The following HMGA2 variants were observed in gnomAD, a reference collection of about 807,000 sequenced individuals.
The protein encoded by HMGA2 is high mobility group protein HMGI-C.
Under a neutral mutation model 19.1 loss-of-function variants are expected in HMGA2, and 8 were observed. The ratio of observed to expected loss-of-function variants is 0.42; its 90% CI spans 0.25 to 0.76. The LOEUF (loss-of-function observed/expected upper bound fraction) is 0.76. HMGA2 is among the 30% of genes least tolerant of loss of function. HMGA2 has a pLI of 0.28. For synonymous variants in HMGA2, 60 were observed against 48.8 expected (o/e 1.23, Z -0.96); for missense variants, 109 against 136.3 (o/e 0.80, Z 1.00).
chr12:65,955,648 C>T (rs1310572351), intron 4 of HMGA2: 1 of 152,224 alleles, frequency 6.6e-6, no homozygotes, highest in African/African-American at 2.4e-5. Flanking sequence ...GCAATTAGGA[C>T]AGGTATAAAC....
chr12:65,833,623 A>G (rs777078376), intron 2 of HMGA2, among the ~76,000 whole-genome samples: 26 of 152,168 alleles, frequency 1.7e-4, no homozygotes, highest in Non-Finnish European at 3.2e-4. Context: ...GAAATACATT[A>G]CTTTTAACTA....
chr12:65,912,748 G>T (rs1367131533), intron 3 of HMGA2, among the ~76,000 whole-genome samples: 1 of 152,158 alleles, frequency 6.6e-6, no homozygotes, highest in Admixed American at 6.5e-5. Context: ...TCATGCCATA[G>T]CTCCATCAGC....
chr12:65,891,921 G>A (rs1873928361), intron 3 of HMGA2, among the ~76,000 whole-genome samples: 1 of 152,204 alleles, frequency 6.6e-6, no homozygotes, highest in African/African-American at 2.4e-5. Context: ...CTTTTTCTGT[G>A]TGTTTCATCC....
rs1870023316 is a variant in HMGA2, at chr12:65,824,712, C to CT, written c.-557dup. 1.7e-5 allele frequency: 3 copies of CT among 179,198 alleles called. No homozygotes were observed. Among genetic ancestry groups the CT allele is most frequent in the Non-Finnish European group, 3.2e-5 (3 of 93,908 alleles). 11.1% of individuals were successfully genotyped at this position (179,198 alleles called of 1,614,324 possible). On this transcript the variant is annotated 5_prime_UTR_variant, in exon 1 of 5. Coordinates refer to ENST00000403681, the MANE Select transcript of HMGA2 (RefSeq NM_003483.6). ...CCCAAGGCACTTTCAATCTCAATCT[C>CT]TTCTCTCTCTCTCTCTCTCTCTCTC...
At chr12:65,882,705 A>G (rs907871163) in intron 3 of HMGA2, among the ~76,000 whole-genome samples, 2 of 152,280 alleles carry the variant, frequency 1.3e-5, no homozygotes, top group African/African-American at 4.8e-5. Flanking sequence ...ATGAGAAAGC[A>G]TAAACAAAGC....
intron 3 of HMGA2, among the ~76,000 whole-genome samples, chr12:65,840,490 C>T (rs867741086): frequency 6.6e-6 from 1 of 152,140 alleles, no homozygotes; most frequent in African/African-American, 2.4e-5. Flanking sequence ...ACATGGCCTC[C>T]CCAGGATAAT....
chr12:65,913,602 G>A (rs754443092), intron 3 of HMGA2, among the ~76,000 whole-genome samples: 16 of 152,148 alleles, frequency 1.1e-4, no homozygotes, highest in Non-Finnish European at 1.6e-4. Context: ...CTCATAAGGT[G>A]TATTATTCAG....
chr12:65,882,270 TGAGA>T (rs1873453742), intron 3 of HMGA2: 1 of 252,314 alleles, frequency 4.0e-6, no homozygotes, highest in African/African-American at 2.2e-5. Flanking sequence ...AGCCAGGAAC[TGAGA>T]GAAAGAGGAA....
chr12:65,829,298 G>T (rs1870371969), intron 2 of HMGA2, among the ~76,000 whole-genome samples: 1 of 151,946 alleles, frequency 6.6e-6, no homozygotes, highest in Non-Finnish European at 1.5e-5. Context: ...AAATTTAATT[G>T]CTTCTTAGAG....
intron 3 of HMGA2, among the ~76,000 whole-genome samples, chr12:65,888,451 TC>T (rs563214146): frequency 7.3e-6 from 1 of 137,772 alleles, no homozygotes; most frequent in Non-Finnish European, 1.5e-5. Context: ...TGAGACTCAG[TC>T]CCCCCCAAAA....
intron 2 of HMGA2, among the ~76,000 whole-genome samples, chr12:65,831,820 A>T (rs965943207): frequency 2.6e-5 from 4 of 151,970 alleles, no homozygotes; most frequent in African/African-American, 9.7e-5. Flanking sequence ...ATCATTCAGC[A>T]TAAATGCTGA....
At chr12:65,928,630 C>G (rs1413411721) in intron 3 of HMGA2, among the ~76,000 whole-genome samples, 5 of 152,080 alleles carry the variant, frequency 3.3e-5, no homozygotes, top group African/African-American at 1.2e-4. Context: ...AAATATTTTT[C>G]TTTATATCTT....
At chr12:65,951,603 C>T in intron 4 of HMGA2, 188 bp downstream of exon 4, 1 of 521,832 alleles carries the variant, frequency 1.9e-6, no homozygotes, top group Non-Finnish European at 3.4e-6. Flanking sequence ...CCATGAAAAC[C>T]TCCCAAAATG....
intron 3 of HMGA2, chr12:65,851,696 A>G (rs1218309332): frequency 1.6e-5 from 7 of 424,320 alleles, no homozygotes; most frequent in African/African-American, 1.0e-4. Context: ...TTAGTTTTAA[A>G]CCCTGTGAAA....
At chr12:65,841,961 A>C (rs118081509) in intron 3 of HMGA2, among the ~76,000 whole-genome samples, 59 of 151,006 alleles carry the variant, frequency 3.9e-4, no homozygotes, top group African/African-American at 1.4e-3. Context: ...GCTTAAGAAC[A>C]CTTCTATTGT....
intron 3 of HMGA2, among the ~76,000 whole-genome samples, chr12:65,940,332 A>G (rs1256699372): frequency 6.6e-6 from 1 of 152,206 alleles, no homozygotes; most frequent in African/African-American, 2.4e-5. Flanking sequence ...TTATATTTCT[A>G]AAACATCTTG....
chr12:65,951,559 C>T (rs1876461868), intron 4 of HMGA2, 144 bp downstream of exon 4: 1 of 640,076 alleles, frequency 1.6e-6, no homozygotes. Context: ...GTGTTGTAGC[C>T]TTCAAAGTTA....
At chr12:65,862,103 C>T (rs1872120523) in intron 3 of HMGA2, among the ~76,000 whole-genome samples, 1 of 152,030 alleles carries the variant, frequency 6.6e-6, no homozygotes, top group Non-Finnish European at 1.5e-5. Context: ...CCTCGGCCTC[C>T]CAAAGTGCTG....
In HMGA2 at chr12:65,824,777, G is replaced by T. The variant is rs1870052220; in HGVS notation, c.-494G>T. On this transcript the variant is annotated 5_prime_UTR_variant, in exon 1 of 5. Transcript: ENST00000403681. The stretch of plus-strand genomic sequence containing the variant: ...TCTCTCTCTCTCTCTCTCGCAGGGT[G>T]GGGGGAAGAGGAGGAGGAATTCTTT... 2 of 221,204 alleles carry T rather than the reference G, an allele frequency of 9.0e-6. No individual in the cohort carries two copies. Among genetic ancestry groups the T allele is most frequent in the Non-Finnish European group, 8.7e-6 (1 of 114,316 alleles). The allele number at this position is 221,204 out of a possible 1,614,324, so 13.7% of individuals were successfully genotyped here.
Sources: allele counts gnomAD v4.1 joint callset (sites outside exome capture counted in the v4.1 genomes callset), GRCh38; gene constraint gnomAD v4.1.1; transcripts MANE v1.5; gene names NCBI Gene and HGNC (gene_info 2026-07-23, HGNC 2026-07-21).